Variants in USP12 observed in about 807,000 individuals in gnomAD.
The protein encoded by USP12 is ubiquitin specific peptidase 12.
USP12 carries 19 observed loss-of-function variants against 45.5 expected under a neutral mutation model. That is an observed-to-expected ratio of 0.42 (90% confidence interval 0.29 to 0.61). The LOEUF (loss-of-function observed/expected upper bound fraction) is 0.61. Ranked by LOEUF, USP12 falls within the 20% of genes least tolerant of loss-of-function variation. The probability of loss-of-function intolerance (pLI) is 0.22; values close to 1 mark genes in which losing one functional copy is unlikely to be tolerated. For synonymous variants in USP12, 149 were observed against 148.8 expected (o/e 1.00, Z -0.01); for missense variants, 242 against 447.7 (o/e 0.54, Z 4.15).
intron 1 of USP12, among the ~76,000 whole-genome samples, chr13:27,170,920 GTACTTATT>G (rs1878564220): frequency 6.6e-6 from 1 of 152,248 alleles, no homozygotes; most frequent in Non-Finnish European, 1.5e-5. Flanking sequence ...AATTTCAACA[GTACTTATT>G]TAAAGTTTCC....
chr13:27,116,461 C>T, intron 2 of USP12, 55 bp downstream of exon 2: 3 of 1,540,332 alleles, frequency 1.9e-6, no homozygotes, highest in Non-Finnish European at 2.7e-6. Context: ...ATGCATTCAT[C>T]GTTTTTAAAA....
intron 2 of USP12, among the ~76,000 whole-genome samples, chr13:27,106,703 TA>T (rs1347654751): frequency 8.6e-5 from 13 of 151,978 alleles, no homozygotes; most frequent in African/African-American, 2.7e-4. Flanking sequence ...ATAGACCATT[TA>T]TTTTTTTTAA....
intron 4 of USP12, among the ~76,000 whole-genome samples, chr13:27,092,227 A>G (rs1479266462): frequency 1.3e-5 from 2 of 152,244 alleles, no homozygotes; most frequent in Admixed American, 6.5e-5. Flanking sequence ...AAAGTGGTAA[A>G]TAAGGGGAGA....
intron 1 of USP12, among the ~76,000 whole-genome samples, chr13:27,150,926 C>T (rs1255199501): frequency 6.6e-6 from 1 of 152,064 alleles, no homozygotes; most frequent in Non-Finnish European, 1.5e-5. Context: ...CAAAGAAGTA[C>T]ATAAAAGAGC....
At chr13:27,093,479 C>T (rs1874416541) in intron 4 of USP12, among the ~76,000 whole-genome samples, 1 of 152,108 alleles carries the variant, frequency 6.6e-6, no homozygotes, top group South Asian at 2.1e-4. Context: ...CATGAGATAA[C>T]ACTACACACT....
At chr13:27,100,986 T>A (rs1313783179) in intron 3 of USP12, among the ~76,000 whole-genome samples, 31 of 152,234 alleles carry the variant, frequency 2.0e-4, no homozygotes, top group Admixed American at 2.0e-3. Flanking sequence ...TCAAAATAAT[T>A]ACTTTTTAAG....
At chr13:27,121,149 C>T (rs1875963750) in intron 1 of USP12, among the ~76,000 whole-genome samples, 2 of 152,262 alleles carry the variant, frequency 1.3e-5, no homozygotes, top group Middle Eastern at 6.8e-3. Flanking sequence ...CAGTAATAAT[C>T]CCATACCACA....
chr13:27,144,714 A>C (rs1209170969), intron 1 of USP12, among the ~76,000 whole-genome samples: 1 of 151,318 alleles, frequency 6.6e-6, no homozygotes, highest in Non-Finnish European at 1.5e-5. Flanking sequence ...GAAAGACCAC[A>C]GAAAACTTTT....
At chr13:27,158,457 T>C (rs372495823) in intron 1 of USP12, among the ~76,000 whole-genome samples, 12 of 152,182 alleles carry the variant, frequency 7.9e-5, no homozygotes, top group South Asian at 6.2e-4. Flanking sequence ...TTCTGAGAAA[T>C]TGACTGTTAA....
intron 1 of USP12, among the ~76,000 whole-genome samples, chr13:27,167,380 T>G (rs1226750937): frequency 6.6e-6 from 1 of 152,202 alleles, no homozygotes; most frequent in Non-Finnish European, 1.5e-5. Context: ...ATGTATCATT[T>G]TTAATGTCCA....
chr13:27,133,693 G>A (rs747046837), intron 1 of USP12, among the ~76,000 whole-genome samples: 10 of 151,632 alleles, frequency 6.6e-5, no homozygotes, highest in Admixed American at 2.6e-4. Context: ...CAATCTGATC[G>A]GAAACTCTCA....
chr13:27,071,240 G>T, intron 7 of USP12, 91 bp from the exon 8 acceptor site: 1 of 1,108,924 alleles, frequency 9.0e-7, no homozygotes, highest in Non-Finnish European at 1.3e-6. Flanking sequence ...AACAGAAACA[G>T]ATAAATAGCA....
At chr13:27,086,190 A>AT (rs1565984576) in intron 6 of USP12, among the ~76,000 whole-genome samples, 3,346 of 81,560 alleles carry the variant, frequency 0.041, 64 homozygotes, top group Non-Finnish European at 0.063. Context: ...AAAAAAAAAA[A>AT]AAAAAAAATA....
intron 6 of USP12, among the ~76,000 whole-genome samples, chr13:27,086,174 TAAAAAAAAAAAA>T (rs138475761): frequency 0.027 from 1,946 of 72,340 alleles, 71 homozygotes; most frequent in Middle Eastern, 0.036. Context: ...TTTGTCTCTT[TAAAAAAAAAAAA>T]AAAAAAAAAA....
intron 1 of USP12, among the ~76,000 whole-genome samples, chr13:27,118,932 T>C (rs1182670989): frequency 6.6e-6 from 1 of 152,240 alleles, no homozygotes; most frequent in African/African-American, 2.4e-5. Context: ...TAGTAAGCTC[T>C]TCTCCCACTC....
At chr13:27,075,637 C>G (rs1249511851) in intron 6 of USP12, among the ~76,000 whole-genome samples, 1 of 152,132 alleles carries the variant, frequency 6.6e-6, no homozygotes, top group Non-Finnish European at 1.5e-5. Context: ...CAATATGGCT[C>G]CAAAACAGAT....
intron 1 of USP12, among the ~76,000 whole-genome samples, chr13:27,169,581 T>A (rs1177091823): frequency 1.3e-5 from 2 of 152,166 alleles, no homozygotes; most frequent in Non-Finnish European, 2.9e-5. Context: ...GCATTTTCTG[T>A]ATTTGCCAAC....
Position 27,105,884 on chromosome 13 carries a change from G to A in USP12, c.190C>T (p.Arg64Trp), listed in dbSNP as rs1356719500. Residue 64 changes from arginine to tryptophan, a missense_variant, in exon 3 of 9, where the codon CGG (arginine) becomes TGG (tryptophan). By Grantham distance (101) the Arg-to-Trp change is moderately radical (BLOSUM62 -3). This residue lies in a region of USP12 where 77 missense variants were observed against 153.7 expected (regional missense o/e 0.50). Transcript: ENST00000282344. The part of the protein sequence containing the change: ...LQALYFCRPF[R>W]EKVLAYKSQP... ...CTCTTATACGCAAGAACTTTTTCCC[G>A]AAATGGACGACAAAAATAAAGTGCT... 1.2e-6 allele frequency: 2 copies of A among 1,613,466 alleles called. No individual in the cohort carries two copies. The highest frequency in any genetic ancestry group is 8.5e-7 in the Non-Finnish European group (1 of 1,179,770).
chr13:27,089,172 T>C (rs1248261332), intron 6 of USP12, among the ~76,000 whole-genome samples: 2 of 152,190 alleles, frequency 1.3e-5, no homozygotes, highest in African/African-American at 2.4e-5. Context: ...CCTTCTTCTA[T>C]AAAGGACATT....
Sources: gnomAD v4.1 joint callset for allele counts (sites outside exome capture counted in the v4.1 genomes callset) on GRCh38, gnomAD v4.1.1 for gene constraint, gnomAD v4.1.1 regional missense constraint, MANE v1.5 for transcripts, NCBI Gene and HGNC (gene_info 2026-07-23, HGNC 2026-07-21) for gene names.